Variants in SNAP47 observed in about 807,000 individuals in gnomAD.
SNAP47 encodes the protein synaptosome associated protein 47.
In SNAP47, 20 loss-of-function variants were observed where a neutral mutation model predicts 31.4. The observed-to-expected ratio is 0.64, with a 90% CI of 0.45 to 0.93. SNAP47 has a LOEUF of 0.93. Among genes scored for constraint, SNAP47 ranks in the 40% least tolerant of loss-of-function variants. The pLI is 0.00. For missense variants in SNAP47, 492 were observed against 528.5 expected, an observed-to-expected ratio of 0.93 and a Z score of 0.68; for synonymous variants, 194 against 213.4, an observed-to-expected ratio of 0.91 and a Z score of 0.79.
chr1:227,732,467 G>C, upstream of SNAP47: 1 of 1,613,320 alleles, frequency 6.2e-7, no homozygotes, highest in Non-Finnish European at 8.5e-7. Flanking sequence ...AGAACGCGCT[G>C]GTGTCCACTC....
At chr1:227,732,179 G>T (rs1182538423), upstream of SNAP47, 1 of 609,114 alleles carries the variant, frequency 1.6e-6, no homozygotes, top group Non-Finnish European at 2.9e-6. Context: ...CAGGCCTGCT[G>T]CAGGTCAGAA....
upstream of SNAP47, chr1:227,732,258 C>G (rs538085389): frequency 9.6e-7 from 1 of 1,041,852 alleles, no homozygotes; most frequent in Non-Finnish European, 1.4e-6. Context: ...CAGGCAGTGG[C>G]CATGAACAGC....
At chr1:227,776,274 C>G (rs1664154685) in intron 4 of SNAP47, 3 of 1,027,840 alleles carry the variant, frequency 2.9e-6, no homozygotes, top group Non-Finnish European at 3.5e-6. Flanking sequence ...CCAGGGCCAG[C>G]CTGGATTGTA....
chr1:227,764,976 G>A (rs540432548), intron 3 of SNAP47, among the ~76,000 whole-genome samples: 24 of 152,354 alleles, frequency 1.6e-4, no homozygotes, highest in African/African-American at 5.5e-4. Flanking sequence ...TCGGGAGGCT[G>A]AAGCAAGAGG....
rs776593806 is a variant in SNAP47, at chr1:227,759,259, C to T, written c.762C>T (p.Asp254=). Residue 254 remains aspartate, a synonymous_variant, in exon 3 of 5, where the codon GAC becomes GAT. Transcript: ENST00000617596. ...SLLMHRFERE[D]VDDIKVHSPY... is the part of the protein sequence containing the mutation. ...TCATGCACAGGTTTGAAAGAGAAGA[C>T]GTGGACGACATCAAGGTCCACTCAC... 1.7e-5 allele frequency: 27 copies of T among 1,614,060 alleles called. No homozygotes were observed. Among genetic ancestry groups the T allele is most frequent in the African/African-American group, 5.3e-5 (4 of 74,932 alleles).
rs1036839282 is a variant in SNAP47, at chr1:227,762,124, A to G, written c.988+2639A>G. 2.6e-5 allele frequency among the ~76,000 whole-genome samples: 4 copies of G among 152,166 alleles called. No homozygotes were observed. Among genetic ancestry groups the G allele is most frequent in the Admixed American group, 1.3e-4 (2 of 15,282 alleles). On this transcript the variant is annotated intron_variant, in intron 3 of 4. Transcript: ENST00000617596. This position sits in a 1 kb window ranked among gnomAD's most constrained non-coding sequence, Gnocchi z 4.2. The stretch of plus-strand genomic sequence containing the variant: ...GAGTACCTGGGGCAGCCATCTTGCC[A>G]TGTGGCACACACAGCACACAGTCCC...
At chr1:227,752,963 C>T (rs1488292731) in intron 2 of SNAP47, among the ~76,000 whole-genome samples, 1 of 152,196 alleles carries the variant, frequency 6.6e-6, no homozygotes, top group Non-Finnish European at 1.5e-5. Flanking sequence ...TGTTGAGTCC[C>T]AGAGTGAGTT....
upstream of SNAP47, among the ~76,000 whole-genome samples, chr1:227,728,341 AC>A (rs1660440767): frequency 6.6e-6 from 1 of 151,008 alleles, no homozygotes; most frequent in African/African-American, 2.4e-5. Flanking sequence ...GGTGCTTGCC[AC>A]CGGAGCGGGG....
intron 1 of SNAP47, among the ~76,000 whole-genome samples, chr1:227,738,461 C>T (rs191690910): frequency 2.6e-4 from 39 of 152,272 alleles, no homozygotes; most frequent in Admixed American, 3.3e-4. Context: ...CTTGCCTATA[C>T]GTTCACGCAC....
chr1:227,764,090 A>G (rs1222956204), intron 3 of SNAP47, among the ~76,000 whole-genome samples: 1 of 152,214 alleles, frequency 6.6e-6, no homozygotes, highest in Non-Finnish European at 1.5e-5. Flanking sequence ...ACTCCCGGAC[A>G]GTCGAGTCAC....
chr1:227,761,945 G>A (rs1013419946), intron 3 of SNAP47, among the ~76,000 whole-genome samples: 8 of 152,124 alleles, frequency 5.3e-5, no homozygotes, highest in African/African-American at 1.9e-4. Flanking sequence ...CTTTTCTGGG[G>A]GCCTCAACGT....
chr1:227,772,157 C>T (rs781668579), intron 4 of SNAP47, among the ~76,000 whole-genome samples: 6 of 152,152 alleles, frequency 3.9e-5, no homozygotes, highest in East Asian at 3.9e-4. Context: ...GAAGGTAATA[C>T]GTGTTATAGC....
In SNAP47 at chr1:227,747,812, C is replaced by T. The variant is rs757689741; in HGVS notation, c.76C>T (p.Gln26Ter). ...LEPKRRWVTGQLSLTSLSLRF... is the reference protein window; with the variant it reads ...LEPKRRWVTG ...GCCCAAGAGGCGATGGGTTACTGGA[C>T]AGCTGTCCTTAACATCGCTGTCGCT... Residue 26 changes from glutamine to a stop codon, truncating the protein, a stop_gained, in exon 2 of 5, where the codon CAG (glutamine) becomes TAG (stop). Transcript: ENST00000617596. LOFTEE classifies it high-confidence loss of function. 2 of 1,614,186 alleles carry T rather than the reference C, an allele frequency of 1.2e-6. No individual in the cohort carries two copies. The highest frequency in any genetic ancestry group is 1.7e-5 in the Admixed American group (1 of 60,024).
At chr1:227,732,312 G>C, upstream of SNAP47, 2 of 1,513,930 alleles carry the variant, frequency 1.3e-6, no homozygotes, top group Non-Finnish European at 1.8e-6. Flanking sequence ...GTCACAGGGA[G>C]GGCGGTCTTT....
At chr1:227,733,417 G>C, upstream of SNAP47, 1 of 1,576,342 alleles carries the variant, frequency 6.3e-7, no homozygotes, top group Non-Finnish European at 8.6e-7. Context: ...ACATTACCAG[G>C]TTGTGCACCT....
intron 4 of SNAP47, chr1:227,776,949 A>C: frequency 1.0e-6 from 1 of 985,386 alleles, no homozygotes; most frequent in African/African-American, 1.7e-5. Flanking sequence ...GTACACAATA[A>C]AATATTCCGC....
At chr1:227,729,246 G>C (rs965252676) in intron 1 of SNAP47, among the ~76,000 whole-genome samples, 1 of 152,156 alleles carries the variant, frequency 6.6e-6, no homozygotes, top group South Asian at 2.1e-4. Flanking sequence ...GCAGGAGTGA[G>C]AGGCCCAGGT....
intron 3 of SNAP47, among the ~76,000 whole-genome samples, chr1:227,766,110 G>A (rs1017050408): frequency 1.3e-5 from 2 of 152,176 alleles, no homozygotes; most frequent in African/African-American, 2.4e-5. Context: ...ATTGAGGAGG[G>A]TACGGGCTCT....
Position 227,780,600 on chromosome 1 carries a change from G to A in SNAP47, c.1187G>A (p.Gly396Asp). 6.2e-7 allele frequency: 1 copy of A among 1,614,228 alleles called. No individual in the cohort carries two copies. The highest frequency in any genetic ancestry group is 8.5e-7 in the Non-Finnish European group (1 of 1,180,042). The stretch of plus-strand genomic sequence containing the variant: ...GAGAGACAAGACGAAGCCCTGGATG[G>A]CGTTGCAGCAGCTGTGGACAGGGCA... The part of the protein sequence containing the change: ...ELERQDEALD[G>D]VAAAVDRATL... The change falls in exon 5 of 5, where the codon GGC (glycine) becomes GAC (aspartate). Residue 396 changes from glycine to aspartate, a missense_variant. By Grantham distance (94) the Gly-to-Asp change is moderately conservative (BLOSUM62 -1). Coordinates refer to ENST00000617596, the MANE Select transcript of SNAP47 (RefSeq NM_053052.4).
Sources: gnomAD v4.1 joint callset for allele counts (sites outside exome capture counted in the v4.1 genomes callset) on GRCh38, gnomAD v4.1.1 for gene constraint, Gnocchi (gnomAD v3.1) non-coding constraint, MANE v1.5 for transcripts, NCBI Gene and HGNC (gene_info 2026-07-23, HGNC 2026-07-21) for gene names.